The following TRIM41 variants were observed in gnomAD, a reference collection of about 807,000 sequenced individuals.
TRIM41 encodes tripartite motif containing 41.
Under a neutral mutation model 60.6 loss-of-function variants are expected in TRIM41, and 21 were observed. That is an observed-to-expected ratio of 0.35 (90% confidence interval 0.25 to 0.50). TRIM41 has a LOEUF of 0.50. Among genes scored for constraint, TRIM41 ranks in the 20% least tolerant of loss-of-function variants. The pLI is 0.98. For missense variants in TRIM41, 846 were observed against 868.3 expected, an observed-to-expected ratio of 0.97 and a Z score of 0.32; for synonymous variants, 407 against 344.9, an observed-to-expected ratio of 1.18 and a Z score of -2.00.
Position 181,234,863 on chromosome 5 carries a change from C to CTT in TRIM41, c.*89_*90dup. The CTT allele has an allele frequency of 6.2e-7, 1 of 1,610,810 alleles. No homozygotes were observed. The highest frequency in any genetic ancestry group is 8.5e-7 in the Non-Finnish European group (1 of 1,179,330). On this transcript the variant is annotated 3_prime_UTR_variant, in exon 6 of 6. Transcript: ENST00000315073. This position sits in a 1 kb window ranked among gnomAD's most constrained non-coding sequence, Gnocchi z 5.6. ...CCGTAAGTTTGAGGGCTCAAAGGCT[C>CTT]TTCCCACTGCTTGTTACTGTGTTGC...
chr5:181,231,578 A>C (rs1245196338), intron 2 of TRIM41: 1 of 152,944 alleles, frequency 6.5e-6, no homozygotes, highest in African/African-American at 2.4e-5. Flanking sequence ...GCCACTACCC[A>C]GGGCCCATGC....
At position 181,230,822 on chromosome 5, in the gene TRIM41, C is replaced by T. The variant is rs1014289398; in HGVS notation, c.892C>T (p.Arg298Ter). ...VQKMKAKEER[R>*]VTELKSQMKS... ...GAAGATGAAAGCCAAGGAGGAGAGG[C>T]GAGTGACAGAACTGAAGGTGGGTGA... Residue 298 changes from arginine (R) to a stop codon, truncating the protein, a stop_gained, in exon 2 of 6, where the codon CGA (arginine) becomes TGA (stop). Transcript: ENST00000315073. LOFTEE classifies it high-confidence loss of function. 1.2e-6 allele frequency: 2 copies of T among 1,612,584 alleles called. No homozygotes were observed. The highest frequency in any genetic ancestry group is 2.2e-5 in the East Asian group (1 of 44,814).
intron 1 of TRIM41, chr5:181,226,060 A>G (rs2113151476): frequency 6.6e-6 from 1 of 151,934 alleles, no homozygotes; most frequent in East Asian, 1.9e-4. Flanking sequence ...AGACATACCT[A>G]CATTACCTCA....
At chr5:181,232,947 T>G (rs1349371917) in intron 3 of TRIM41, 58 bp downstream of exon 3, 1 of 1,491,454 alleles carries the variant, frequency 6.7e-7, no homozygotes, top group South Asian at 1.2e-5. Flanking sequence ...CAGGCAGTGC[T>G]TACCAAACGC....
In TRIM41 at chr5:181,235,263, G is replaced by C. The variant is rs1759049516; in HGVS notation, c.*488G>C. 5.6e-6 allele frequency: 9 copies of C among 1,608,294 alleles called. No homozygotes were observed. The highest frequency in any genetic ancestry group is 6.8e-6 in the Non-Finnish European group (8 of 1,176,180). On this transcript the variant is annotated 3_prime_UTR_variant, in exon 6 of 6. Transcript: ENST00000315073. The stretch of plus-strand genomic sequence containing the variant: ...GAAGCCATTTGGGGAGGCAGGCTGG[G>C]CCAAAGGGTAGAGCTGGGTAATAAA...
At chr5:181,232,232 G>A in intron 2 of TRIM41, 4 of 171,946 alleles carry the variant, frequency 2.3e-5, no homozygotes, top group South Asian at 1.5e-4. Flanking sequence ...CCTGTCAGTG[G>A]GAGCTCATGG....
Position 181,230,749 on chromosome 5 carries a change from A to G in TRIM41, c.819A>G (p.Lys273=), listed in dbSNP as rs540838438. 5.6e-6 allele frequency: 9 copies of G among 1,612,820 alleles called. No individual in the cohort carries two copies. The African/African-American group carries it at 1.2e-4, about 22-fold the overall frequency. Residue 273 remains lysine, a synonymous_variant, in exon 2 of 6, where the codon AAA becomes AAG. Coordinates refer to ENST00000315073, the MANE Select transcript of TRIM41 (RefSeq NM_033549.5). The stretch of plus-strand genomic sequence containing the variant: ...TTCTTTTTCTGTTTCCTCAGGCCAA[A>G]CTGCAGGGGCACGTGGAACCACTGA... ...LEEVVQEYKA[K]LQGHVEPLRK...
intron 2 of TRIM41, 34 bp downstream of exon 2, chr5:181,230,873 G>A (rs1758768812): frequency 1.3e-6 from 2 of 1,587,802 alleles, no homozygotes; most frequent in East Asian, 2.2e-5. Context: ...CTGATGGGCA[G>A]TACAGTCGAG....
chr5:181,230,702 G>C, intron 1 of TRIM41, 42 bp from the exon 2 acceptor site: 1 of 1,552,516 alleles, frequency 6.4e-7, no homozygotes, highest in South Asian at 1.1e-5. Flanking sequence ...TGAAGGGCAG[G>C]TGCCTCTCCC....
chr5:181,230,057 T>G (rs1312894886), intron 1 of TRIM41: 1 of 151,388 alleles, frequency 6.6e-6, no homozygotes, highest in African/African-American at 2.4e-5. Context: ...GAGAGAAGAG[T>G]TCTGGGGAAG....
intron 2 of TRIM41, chr5:181,232,253 GAAA>G: frequency 5.2e-6 from 1 of 194,116 alleles, no homozygotes; most frequent in Non-Finnish European, 1.0e-5. Flanking sequence ...TACAGTGGGG[GAAA>G]GGATGTTAAC....
Position 181,233,556 on chromosome 5 carries a change from C to T in TRIM41, c.1164-80C>T. On this transcript the variant is annotated intron_variant, in intron 4 of 5. Transcript: ENST00000315073. The surrounding 1 kb of genome is among the most constrained non-coding windows in gnomAD (Gnocchi z 4.1). ...GACCTGAGTTTCCATCTCCTGGACC[C>T]TCCTCTCCTTCCCCTCAGCTTTTGC... The T allele has an allele frequency of 6.2e-7, 1 of 1,609,300 alleles. No individual in the cohort carries two copies. The highest frequency in any genetic ancestry group is 8.5e-7 in the Non-Finnish European group (1 of 1,176,308).
At position 181,234,578 on chromosome 5, in the gene TRIM41, G is replaced by A. The variant is rs1314142581; in HGVS notation, c.1696G>A (p.Glu566Lys). 11 of 1,614,132 alleles carry A rather than the reference G, an allele frequency of 6.8e-6. No homozygotes were observed. In the South Asian group the frequency reaches 1.2e-4, roughly 18 times the overall value. The change falls in exon 6 of 6, where the codon GAA (glutamate) becomes AAA (lysine). Residue 566 changes from glutamate to lysine, a missense_variant. Coordinates refer to ENST00000315073, the MANE Select transcript of TRIM41 (RefSeq NM_033549.5). This position sits in a 1 kb window ranked among gnomAD's most constrained non-coding sequence, Gnocchi z 5.6. ...GKRYQAQSST[E>K]QTLLSPSEKP... ...ACGCTATCAGGCCCAGAGCTCCACA[G>A]AACAGACGCTGCTGAGCCCCAGTGA...
chr5:181,232,503 T>G, intron 2 of TRIM41, 156 bp from the exon 3 acceptor site: 1 of 678,122 alleles, frequency 1.5e-6, no homozygotes, highest in Non-Finnish European at 2.4e-6. Context: ...TGGTATCTGG[T>G]AAGGCTGGTA....
In TRIM41 at chr5:181,224,142, G is replaced by A; in HGVS notation, c.143G>A (p.Trp48Ter). ...TGCCGAGTTTGTGTAACCCAGTTGT[G>A]GGGTGGGGAGGATGAGGAGGACAGA... ...NFCRVCVTQL[W>*]GGEDEEDRDE... The change falls in exon 1 of 6, where the codon TGG becomes TAG. Residue 48 changes from tryptophan to a stop codon, truncating the protein, a stop_gained. Transcript: ENST00000315073. LOFTEE classifies it high-confidence loss of function. 6.2e-7 allele frequency: 1 copy of A among 1,614,236 alleles called. No homozygotes were observed. The highest frequency in any genetic ancestry group is 8.5e-7 in the Non-Finnish European group (1 of 1,180,042).
Position 181,235,540 on chromosome 5 carries a change from GC to G in TRIM41, c.*767del. 1 of 1,065,612 alleles carries G rather than the reference GC, an allele frequency of 9.4e-7. No individual in the cohort carries two copies. Among genetic ancestry groups the G allele is most frequent in the Non-Finnish European group, 1.4e-6 (1 of 729,756 alleles). The allele number at this position is 1,065,612 out of a possible 1,614,324, so 66.0% of individuals were successfully genotyped here. On this transcript the variant is annotated 3_prime_UTR_variant, in exon 6 of 6. Transcript: ENST00000315073. ...CACACCCCTCCCAGGTCTGCTCACT[GC>G]CAGGCTCCTCTCCCCTTTGTTCAGT... is the stretch of plus-strand genomic sequence containing the variant.
In TRIM41 at chr5:181,235,055, G is replaced by GCC; in HGVS notation, c.*282_*283dup. 1 of 1,612,912 alleles carries GCC rather than the reference G, an allele frequency of 6.2e-7. No individual in the cohort carries two copies. On this transcript the variant is annotated 3_prime_UTR_variant, in exon 6 of 6. Transcript: ENST00000315073. ...CTGGTCTTCTCTCCCAGTCTGCCTA[G>GCC]CCCAGCCCTGGGACTGGAATTTGAG...
At chr5:181,224,901 C>T in intron 1 of TRIM41, 89 bp downstream of exon 1, 1 of 1,562,984 alleles carries the variant, frequency 6.4e-7, no homozygotes, top group Non-Finnish European at 8.8e-7. Flanking sequence ...TCTCTTCACC[C>T]ACCAAAGAAC....
In TRIM41 at chr5:181,234,833, G is replaced by T. The variant is rs543295988; in HGVS notation, c.*58G>T. ...GCACTTGGGGGGTGGGTGGTGGAGG[G>T]TGGCCCGTAAGTTTGAGGGCTCAAA... On this transcript the variant is annotated 3_prime_UTR_variant, in exon 6 of 6. Transcript: ENST00000315073. The surrounding 1 kb of genome is among the most constrained non-coding windows in gnomAD (Gnocchi z 5.6). 2.5e-6 allele frequency: 4 copies of T among 1,606,700 alleles called. No homozygotes were observed. Among genetic ancestry groups the T allele is most frequent in the Non-Finnish European group, 2.5e-6 (3 of 1,176,532 alleles).
Sources: allele counts gnomAD v4.1 joint callset, GRCh38; gene constraint gnomAD v4.1.1; non-coding constraint Gnocchi (gnomAD v3.1); transcripts MANE v1.5; gene names NCBI Gene and HGNC (gene_info 2026-07-23, HGNC 2026-07-21).